Variants in ZFAND3 observed in about 807,000 individuals in gnomAD.
ZFAND3 encodes the protein AN1-type zinc finger protein 3.
Under a neutral mutation model 29.6 loss-of-function variants are expected in ZFAND3, and 10 were observed. That is an observed-to-expected ratio of 0.34 (90% CI 0.21 to 0.57). ZFAND3 has a LOEUF of 0.57. Ranked by LOEUF, ZFAND3 falls within the 20% of genes least tolerant of loss-of-function variation. The pLI is 0.86. For synonymous variants in ZFAND3, 128 were observed against 112.6 expected (o/e 1.14, Z -0.87); for missense variants, 230 against 304.5 (o/e 0.76, Z 1.82).
intron 2 of ZFAND3, among the ~76,000 whole-genome samples, chr6:37,952,724 A>G (rs1014938332): frequency 6.6e-6 from 1 of 152,026 alleles, no homozygotes; most frequent in African/African-American, 2.4e-5. Flanking sequence ...CTTCTCACCA[A>G]TTTAACTCAC....
chr6:37,948,450 CTTTT>C (rs1383464590), intron 2 of ZFAND3, among the ~76,000 whole-genome samples: 14 of 151,922 alleles, frequency 9.2e-5, no homozygotes, highest in Non-Finnish European at 2.9e-5. Flanking sequence ...TAGTTTTTTT[CTTTT>C]TGTTTTCTTT....
chr6:38,103,375 A>ACAC lies in ZFAND3; in HGVS notation c.362-13197_362-13196insCAC, dbSNP rs1378152997. On this transcript the variant is annotated intron_variant, in intron 4 of 5. Coordinates refer to ENST00000287218, the MANE Select transcript of ZFAND3 (RefSeq NM_021943.3). ...ATATATATATATATATATACACACA[A>ACAC]TATATATATACACACACACATATAT... Among the ~76,000 whole-genome samples the ACAC allele has an allele frequency of 1.3e-4, 19 of 142,602 alleles. No homozygotes were observed. The East Asian group carries it at 4.6e-3, about 34-fold the overall frequency. 93.6% of individuals were successfully genotyped at this position (142,602 alleles called of 152,430 possible).
At chr6:37,846,993 G>C (rs1416406189) in intron 1 of ZFAND3, among the ~76,000 whole-genome samples, 1 of 152,016 alleles carries the variant, frequency 6.6e-6, no homozygotes, top group Admixed American at 6.6e-5. Flanking sequence ...TTACAGGCTT[G>C]AGCCACTGTG....
chr6:38,061,201 A>G (rs1420729454), intron 2 of ZFAND3, among the ~76,000 whole-genome samples: 1 of 151,996 alleles, frequency 6.6e-6, no homozygotes, highest in Non-Finnish European at 1.5e-5. Flanking sequence ...CCATCTTATT[A>G]TGTGTTTTCT....
At chr6:38,031,150 C>G (rs555119976) in intron 2 of ZFAND3, among the ~76,000 whole-genome samples, 2 of 152,136 alleles carry the variant, frequency 1.3e-5, no homozygotes, top group Non-Finnish European at 2.9e-5. Flanking sequence ...TTTTTCACTA[C>G]GTAGTTTTTT....
At chr6:37,893,850 G>A (rs1439990535) in intron 1 of ZFAND3, among the ~76,000 whole-genome samples, 4 of 129,558 alleles carry the variant, frequency 3.1e-5, no homozygotes, top group African/African-American at 7.7e-5. Context: ...CACCGCGCCC[G>A]GCCCAGGACC....
At position 37,870,367 on chromosome 6, in the gene ZFAND3, C is replaced by T. The variant is rs563845195; in HGVS notation, c.71+50351C>T. Among the ~76,000 whole-genome samples the T allele has an allele frequency of 2.1e-4, 31 of 148,482 alleles. 1 individual carries two copies. In the East Asian group the frequency reaches 5.1e-3, roughly 25 times the overall value. ...CTGTAATCCCAGCACTTTGGGAGGCCGAGGCAGGTGGATCACCTAAGGTCA... is the reference window on the plus strand; with the variant it reads ...CTGTAATCCCAGCACTTTGGGAGGCTGAGGCAGGTGGATCACCTAAGGTCA... On this transcript the variant is annotated intron_variant, in intron 1 of 5. Transcript: ENST00000287218.
chr6:37,901,310 A>C (rs903472289), intron 1 of ZFAND3, among the ~76,000 whole-genome samples: 5 of 152,208 alleles, frequency 3.3e-5, no homozygotes, highest in Non-Finnish European at 5.9e-5. Context: ...AAGTTATCAA[A>C]TCCAGAAAAA....
At chr6:38,129,101 A>G (rs981399498) in intron 5 of ZFAND3, among the ~76,000 whole-genome samples, 5 of 152,028 alleles carry the variant, frequency 3.3e-5, no homozygotes, top group Non-Finnish European at 5.9e-5. Context: ...GCATTTTTTC[A>G]TATGTTTGTT....
At chr6:38,025,240 C>A (rs990434861) in intron 2 of ZFAND3, among the ~76,000 whole-genome samples, 3 of 152,194 alleles carry the variant, frequency 2.0e-5, no homozygotes, top group African/African-American at 7.2e-5. Flanking sequence ...GTCACATACT[C>A]TTATTAAGGG....
Position 37,909,246 on chromosome 6 carries a change from C to G in ZFAND3, c.72-20713C>G, listed in dbSNP as rs189978201. Among the ~76,000 whole-genome samples, 205 of 151,502 alleles carry G rather than the reference C, an allele frequency of 1.4e-3. 1 individual carries two copies. Among genetic ancestry groups the G allele is most frequent in the African/African-American group, 4.8e-3 (199 of 41,364 alleles). On this transcript the variant is annotated intron_variant, in intron 1 of 5. Coordinates refer to ENST00000287218, the MANE Select transcript of ZFAND3 (RefSeq NM_021943.3). ...GAAGACTTTCTAAATAGATGTTCAC[C>G]TGACAAAACGAGATTTTTTTTCTTT...
In ZFAND3 at chr6:38,046,190, A is replaced by G. The variant is rs75812249; in HGVS notation, c.113-15403A>G. On this transcript the variant is annotated intron_variant, in intron 2 of 5. Transcript: ENST00000287218. ...AGCCTAATAAATTGCCTAAATGAGA[A>G]AAAAAATTATAAAGGATTTTTGATC... Among the ~76,000 whole-genome samples, 2,597 of 152,288 alleles carry G rather than the reference A, an allele frequency of 0.017. 255 individuals are homozygous for G. In the East Asian group the frequency reaches 0.28, roughly 16 times the overall value.
chr6:38,098,207 C>T (rs1402335013), intron 4 of ZFAND3, among the ~76,000 whole-genome samples: 2 of 151,960 alleles, frequency 1.3e-5, no homozygotes, highest in African/African-American at 2.4e-5. Context: ...GGACTACAAG[C>T]GTGTAGTTGT....
chr6:38,109,604 C>T (rs749532480), intron 4 of ZFAND3, among the ~76,000 whole-genome samples: 2 of 151,960 alleles, frequency 1.3e-5, no homozygotes, highest in Non-Finnish European at 2.9e-5. Flanking sequence ...TCATGGTGTA[C>T]CGCCAAAATC....
intron 2 of ZFAND3, among the ~76,000 whole-genome samples, chr6:38,050,997 G>A (rs536391937): frequency 5.3e-5 from 8 of 152,236 alleles, no homozygotes; most frequent in Non-Finnish European, 1.0e-4. Flanking sequence ...TGAGAACTGA[G>A]TAGAAATACT....
chr6:37,955,035 C>T (rs999815439), intron 2 of ZFAND3, among the ~76,000 whole-genome samples: 3 of 152,098 alleles, frequency 2.0e-5, no homozygotes, highest in African/African-American at 7.2e-5. Flanking sequence ...GCTAAATACT[C>T]CAAGGGAGCC....
chr6:37,897,951 C>T (rs1765249876), intron 1 of ZFAND3, among the ~76,000 whole-genome samples: 1 of 152,076 alleles, frequency 6.6e-6, no homozygotes, highest in African/African-American at 2.4e-5. Flanking sequence ...CACACACACC[C>T]CATGTATGTG....
chr6:38,119,664 A>G (rs548016356), intron 5 of ZFAND3, among the ~76,000 whole-genome samples: 8 of 152,240 alleles, frequency 5.3e-5, no homozygotes, highest in Non-Finnish European at 1.0e-4. Flanking sequence ...AAGACGCTCC[A>G]AAGGGAAGAG....
intron 1 of ZFAND3, among the ~76,000 whole-genome samples, chr6:37,854,792 T>C (rs1337567310): frequency 7.9e-6 from 1 of 126,532 alleles, no homozygotes; most frequent in African/African-American, 3.0e-5. Flanking sequence ...TTTTAAGAAG[T>C]AGGCTGACCT....
Sources: allele counts gnomAD v4.1 joint callset (sites outside exome capture counted in the v4.1 genomes callset), GRCh38; gene constraint gnomAD v4.1.1; transcripts MANE v1.5; gene names NCBI Gene and HGNC (gene_info 2026-07-23, HGNC 2026-07-21).